The following AKAP6 variants were observed in gnomAD, a reference collection of about 807,000 sequenced individuals.
AKAP6 encodes A-kinase anchoring protein 6.
Under a neutral mutation model 188.5 loss-of-function variants are expected in AKAP6, and 58 were observed. The ratio of observed to expected loss-of-function variants is 0.31; its 90% CI spans 0.25 to 0.38. The LOEUF (loss-of-function observed/expected upper bound fraction) is 0.38. Among genes scored for constraint, AKAP6 ranks in the 10% least tolerant of loss-of-function variants. The pLI is 1.00. For synonymous variants in AKAP6, 989 were observed against 998.6 expected (o/e 0.99, Z 0.18); for missense variants, 2,710 against 2,740.0 (o/e 0.99, Z 0.24).
chr14:32,623,087 TA>T (rs1238834371), intron 7 of AKAP6, among the ~76,000 whole-genome samples: 1 of 152,164 alleles, frequency 6.6e-6, no homozygotes, highest in Non-Finnish European at 1.5e-5. Flanking sequence ...TCTTCAGTGC[TA>T]AAATACTGGT....
intron 7 of AKAP6, among the ~76,000 whole-genome samples, chr14:32,663,607 G>T (rs1327628703): frequency 2.0e-5 from 3 of 152,086 alleles, no homozygotes; most frequent in East Asian, 3.9e-4. Context: ...GAGAATTCCA[G>T]GCAGAAGAAA....
chr14:32,613,512 TTTC>T (rs1448014546), intron 7 of AKAP6, among the ~76,000 whole-genome samples: 10 of 152,202 alleles, frequency 6.6e-5, no homozygotes, highest in African/African-American at 2.4e-4. Flanking sequence ...TCTCATTTCT[TTTC>T]TTCTTTTCTG....
intron 1 of AKAP6, among the ~76,000 whole-genome samples, chr14:32,352,344 A>G (rs1475347707): frequency 1.3e-5 from 2 of 151,272 alleles, no homozygotes; most frequent in African/African-American, 4.9e-5. Context: ...ACAAGTATGT[A>G]TTTTGTACTG....
intron 1 of AKAP6, among the ~76,000 whole-genome samples, chr14:32,365,582 C>G (rs994268019): frequency 5.9e-5 from 9 of 152,272 alleles, no homozygotes; most frequent in African/African-American, 2.2e-4. Context: ...CCAGGGACCC[C>G]ATTCTCTCCT....
chr14:32,412,639 G>A (rs1008736995), intron 1 of AKAP6, among the ~76,000 whole-genome samples: 2 of 152,126 alleles, frequency 1.3e-5, no homozygotes, highest in Admixed American at 1.3e-4. Context: ...TTTCGTTATG[G>A]CTCTGTTGAG....
In AKAP6 at chr14:32,553,462, G is replaced by A. The variant is rs140474938; in HGVS notation, c.2346+6463G>A. Among the ~76,000 whole-genome samples, 390 of 152,160 alleles carry A rather than the reference G, an allele frequency of 2.6e-3. 2 individuals are homozygous for A. The highest frequency in any genetic ancestry group is 4.2e-3 in the Admixed American group (64 of 15,286). On this transcript the variant is annotated intron_variant, in intron 4 of 13. Coordinates refer to ENST00000280979, the MANE Select transcript of AKAP6 (RefSeq NM_004274.5). ...GCTGTGATTACAGGCGTGAGCCACC[G>A]CGCCTGGCCAAGATTTCTTTATTCT...
chr14:32,736,545 C>T (rs1566676518), intron 11 of AKAP6, among the ~76,000 whole-genome samples: 1 of 152,160 alleles, frequency 6.6e-6, no homozygotes, highest in Non-Finnish European at 1.5e-5. Context: ...CTAGCCCATA[C>T]TGCTTGAATC....
chr14:32,358,176 G>T (rs1887544258), intron 1 of AKAP6, among the ~76,000 whole-genome samples: 1 of 152,150 alleles, frequency 6.6e-6, no homozygotes, highest in Non-Finnish European at 1.5e-5. Context: ...CATTAACTAT[G>T]GCTCCACAGA....
At chr14:32,505,740 A>G (rs1262230361) in intron 2 of AKAP6, among the ~76,000 whole-genome samples, 1 of 152,316 alleles carries the variant, frequency 6.6e-6, no homozygotes, top group Non-Finnish European at 1.5e-5. Flanking sequence ...AAGAAGTCAT[A>G]CGGTATTTAT....
At chr14:32,693,931 T>G (rs1890284386) in intron 8 of AKAP6, among the ~76,000 whole-genome samples, 1 of 152,150 alleles carries the variant, frequency 6.6e-6, no homozygotes, top group South Asian at 2.1e-4. Flanking sequence ...AGTCACAGAG[T>G]CAATAAAGAA....
intron 2 of AKAP6, among the ~76,000 whole-genome samples, chr14:32,461,083 C>T (rs1234213991): frequency 6.6e-6 from 1 of 152,228 alleles, no homozygotes; most frequent in Non-Finnish European, 1.5e-5. Context: ...CAGACAAAAC[C>T]TCCATGTCCC....
Position 32,735,765 on chromosome 14 carries a change from C to A in AKAP6, c.3255C>A (p.Val1085=), listed in dbSNP as rs756760151. 1.2e-6 allele frequency: 2 copies of A among 1,613,382 alleles called. No individual in the cohort carries two copies. Among genetic ancestry groups the A allele is most frequent in the Non-Finnish European group, 1.7e-6 (2 of 1,179,722 alleles). The stretch of plus-strand genomic sequence containing the variant: ...GAAGCCTGGTAAGGCAGCTGGAGGT[C>A]AGGATCAAAGAACTGAAAGGATGGC... The part of the protein sequence containing the change: ...ESGSLVRQLE[V]RIKELKGWLR... The change falls in exon 11 of 14, where the codon GTC becomes GTA. Residue 1085 remains valine (V), a synonymous_variant. Transcript: ENST00000280979.
intron 1 of AKAP6, 179 bp from the exon 2 acceptor site, chr14:32,433,281 G>C (rs2138707134): frequency 3.8e-6 from 2 of 528,328 alleles, no homozygotes; most frequent in African/African-American, 3.8e-5. Flanking sequence ...ATTATTTCCT[G>C]GCTCTTGGGG....
At chr14:32,421,217 AAATTTGGC>A (rs1419787139) in intron 1 of AKAP6, among the ~76,000 whole-genome samples, 1 of 152,052 alleles carries the variant, frequency 6.6e-6, no homozygotes, top group Admixed American at 6.6e-5. Flanking sequence ...CAGGTCTTTT[AAATTTGGC>A]AACTCATGTC....
chr14:32,812,557 A>T (rs978162370), intron 12 of AKAP6, among the ~76,000 whole-genome samples: 2 of 152,228 alleles, frequency 1.3e-5, no homozygotes, highest in African/African-American at 4.8e-5. Flanking sequence ...CATGTAAAGC[A>T]ACAGTCAAGA....
intron 3 of AKAP6, among the ~76,000 whole-genome samples, chr14:32,541,827 A>C (rs927292530): frequency 3.3e-5 from 5 of 152,224 alleles, no homozygotes; most frequent in African/African-American, 9.6e-5. Context: ...TGCATAAAGT[A>C]TAACTTTTGT....
chr14:32,821,287 G>A (rs2034511855), intron 12 of AKAP6, 115 bp from the exon 13 acceptor site: 4 of 1,152,546 alleles, frequency 3.5e-6, no homozygotes, highest in Non-Finnish European at 4.9e-6. Flanking sequence ...CGTCTTTCAA[G>A]TCCATGCTTG....
chr14:32,761,359 A>T (rs989882432), intron 11 of AKAP6, among the ~76,000 whole-genome samples: 1 of 152,182 alleles, frequency 6.6e-6, no homozygotes, highest in African/African-American at 2.4e-5. Context: ...CTTTCCTAAA[A>T]TACCTTTTCC....
intron 1 of AKAP6, among the ~76,000 whole-genome samples, chr14:32,422,765 A>G (rs1051790863): frequency 2.0e-5 from 3 of 151,920 alleles, no homozygotes; most frequent in Non-Finnish European, 2.9e-5. Context: ...TATTCCTAAC[A>G]CTTGGGAAAT....
Sources: gnomAD v4.1 joint callset for allele counts (sites outside exome capture counted in the v4.1 genomes callset) on GRCh38, gnomAD v4.1.1 for gene constraint, MANE v1.5 for transcripts, NCBI Gene and HGNC (gene_info 2026-07-23, HGNC 2026-07-21) for gene names.